PTPRN2: variants seen among roughly 807,000 people sequenced by gnomAD.
PTPRN2 encodes the protein receptor-type tyrosine-protein phosphatase N2.
PTPRN2 carries 74 observed loss-of-function variants against 118.8 expected under a neutral mutation model. That is an observed-to-expected ratio of 0.62 (90% CI 0.52 to 0.76). The LOEUF (loss-of-function observed/expected upper bound fraction) is 0.76, where lower values mean the gene tolerates loss of function less well. Ranked by LOEUF, PTPRN2 falls within the 30% of genes least tolerant of loss-of-function variation. The pLI is 0.00. For synonymous variants in PTPRN2, 641 were observed against 608.0 expected (o/e 1.05, Z -0.80); for missense variants, 1,481 against 1,394.4 (o/e 1.06, Z -0.99).
intron 10 of PTPRN2, among the ~76,000 whole-genome samples, chr7:158,102,835 G>A (rs552103112): frequency 1.1e-4 from 16 of 152,282 alleles, no homozygotes; most frequent in Non-Finnish European, 1.5e-4. Context: ...ATGGTCTGGG[G>A]AGAAAGACAG....
chr7:157,904,982 T>C (rs549495570), intron 11 of PTPRN2, among the ~76,000 whole-genome samples: 14 of 152,304 alleles, frequency 9.2e-5, no homozygotes, highest in Admixed American at 6.5e-4. Context: ...CCCGACATTA[T>C]TCCTGCACCC....
chr7:158,310,068 A>G (rs1801580845), intron 3 of PTPRN2, among the ~76,000 whole-genome samples: 2 of 152,194 alleles, frequency 1.3e-5, no homozygotes, highest in Admixed American at 6.5e-5. Flanking sequence ...GCTCTGAGAA[A>G]TCAATGTTTG....
intron 12 of PTPRN2, among the ~76,000 whole-genome samples, chr7:157,820,153 G>A (rs538197649): frequency 5.4e-4 from 69 of 127,312 alleles, no homozygotes; most frequent in African/African-American, 1.9e-3. Flanking sequence ...CCCCACACAC[G>A]CACACACATA....
At chr7:158,454,818 G>A (rs955067667) in intron 2 of PTPRN2, among the ~76,000 whole-genome samples, 8 of 152,198 alleles carry the variant, frequency 5.3e-5, no homozygotes, top group Non-Finnish European at 8.8e-5. Flanking sequence ...TGGCCACTCT[G>A]TTGACCTCGA....
chr7:158,213,656 C>T (rs968094544), intron 3 of PTPRN2, among the ~76,000 whole-genome samples: 3 of 152,126 alleles, frequency 2.0e-5, no homozygotes, highest in African/African-American at 7.2e-5. Context: ...ATGAAATGTA[C>T]TTTTGTTTAT....
At chr7:158,317,115 A>G (rs573122886) in intron 2 of PTPRN2, among the ~76,000 whole-genome samples, 183 bp from the exon 3 acceptor site, 1 of 152,278 alleles carries the variant, frequency 6.6e-6, no homozygotes, top group South Asian at 2.1e-4. Context: ...TGAGATAAAA[A>G]CCGAGCATCA....
intron 2 of PTPRN2, among the ~76,000 whole-genome samples, chr7:158,332,596 CCAT>C (rs1804712839): frequency 6.6e-6 from 1 of 150,438 alleles, no homozygotes; most frequent in Non-Finnish European, 1.5e-5. Context: ...CACACTCTCA[CCAT>C]AAGAAGTGAC....
At chr7:157,757,562 T>A (rs1270108197) in intron 12 of PTPRN2, among the ~76,000 whole-genome samples, 1 of 150,852 alleles carries the variant, frequency 6.6e-6, no homozygotes, top group African/African-American at 2.4e-5. Flanking sequence ...CGGGAGGTGT[T>A]AAGATGCAAG....
chr7:158,332,500 C>T (rs112625165), intron 2 of PTPRN2, among the ~76,000 whole-genome samples: 1 of 149,082 alleles, frequency 6.7e-6, no homozygotes, highest in Non-Finnish European at 1.5e-5. Context: ...CACCCACACT[C>T]TCACCATAAG....
chr7:158,200,111 C>G (rs1376618467), intron 4 of PTPRN2, among the ~76,000 whole-genome samples: 1 of 152,168 alleles, frequency 6.6e-6, no homozygotes, highest in Admixed American at 6.5e-5. Flanking sequence ...GAATCAGTCC[C>G]CTTGCTGCTA....
chr7:158,186,282 T>C (rs1825124419), intron 5 of PTPRN2, among the ~76,000 whole-genome samples: 1 of 152,198 alleles, frequency 6.6e-6, no homozygotes, highest in East Asian at 1.9e-4. Flanking sequence ...GTTCATCCTC[T>C]TTTCCTGTGT....
intron 1 of PTPRN2, among the ~76,000 whole-genome samples, chr7:158,511,841 G>C (rs1413594876): frequency 6.6e-6 from 1 of 152,186 alleles, no homozygotes; most frequent in Non-Finnish European, 1.5e-5. Flanking sequence ...TCCTGGAAAA[G>C]GCAAAACTAT....
rs1434438421 is a variant in PTPRN2 at position 157,598,213 on chromosome 7, A to C, written c.2419-2898T>G. On this transcript the variant is annotated intron_variant, in intron 16 of 22. Coordinates refer to ENST00000389418, the MANE Select transcript of PTPRN2 (RefSeq NM_002847.5). The surrounding 1 kb of genome is among the most constrained non-coding windows in gnomAD (Gnocchi z 5.2). The stretch of plus-strand genomic sequence containing the variant: ...CCTCTGTCTTCCCCACCCAGCGATC[A>C]CACGGCACCTACTCTGGCTTCCTCC... Among the ~76,000 whole-genome samples the C allele has an allele frequency of 6.6e-6, 1 of 152,184 alleles. No homozygotes were observed. Among genetic ancestry groups the C allele is most frequent in the Non-Finnish European group, 1.5e-5 (1 of 68,038 alleles).
rs535242757 is a variant in PTPRN2, at chr7:157,624,191, C to T, written c.2197-2682G>A. ...ATCCTAGCACTTTGGAAGGCTGAGG[C>T]GGGTGGATCACCTGAGGCCAGGAGT... On this transcript the variant is annotated intron_variant, in intron 14 of 22. Transcript: ENST00000389418. Among the ~76,000 whole-genome samples, 65 of 152,172 alleles carry T rather than the reference C, an allele frequency of 4.3e-4. 1 individual carries two copies. The South Asian group carries it at 0.012, about 29-fold the overall frequency.
At chr7:157,666,547 C>CA (rs749761125) in intron 13 of PTPRN2, among the ~76,000 whole-genome samples, 2 of 150,666 alleles carry the variant, frequency 1.3e-5, no homozygotes, top group South Asian at 2.1e-4. Flanking sequence ...CCATTATTGG[C>CA]AAAAAAAGCA....
chr7:157,805,523 C>G (rs574630633), intron 12 of PTPRN2, among the ~76,000 whole-genome samples: 1 of 152,088 alleles, frequency 6.6e-6, no homozygotes, highest in East Asian at 1.9e-4. Flanking sequence ...AAATGAGCAC[C>G]AGGGGTGAAA....
rs188172037 is a variant in PTPRN2 at position 157,660,494 on chromosome 7, C to T, written c.2002-3943G>A. ...AACAACCACAAACTTTTCATGTGAA[C>T]TTGGGAAAACCTCTAAAGGTCTCTA... is the stretch of plus-strand genomic sequence containing the variant. On this transcript the variant is annotated intron_variant, in intron 13 of 22. Transcript: ENST00000389418. Among the ~76,000 whole-genome samples the T allele has an allele frequency of 4.2e-4, 64 of 152,288 alleles. 1 individual carries two copies. The highest frequency in any genetic ancestry group is 1.5e-3 in the African/African-American group (61 of 41,548).
At chr7:157,846,893 C>T (rs533536723) in intron 12 of PTPRN2, among the ~76,000 whole-genome samples, 145 of 142,998 alleles carry the variant, frequency 1.0e-3, no homozygotes, top group Non-Finnish European at 1.7e-3. Context: ...TTACAGAGCC[C>T]TCTCTGACTC....
chr7:158,355,622 G>A (rs961590041), intron 2 of PTPRN2, among the ~76,000 whole-genome samples: 60 of 152,346 alleles, frequency 3.9e-4, no homozygotes, highest in African/African-American at 1.2e-3. Flanking sequence ...GAAGCCCGCA[G>A]CAGTGCAGAG....
Sources: allele counts gnomAD v4.1 joint callset (sites outside exome capture counted in the v4.1 genomes callset), GRCh38; gene constraint gnomAD v4.1.1; non-coding constraint Gnocchi (gnomAD v3.1); transcripts MANE v1.5; gene names NCBI Gene and HGNC (gene_info 2026-07-23, HGNC 2026-07-21).